SPON1: variants seen among roughly 807,000 people sequenced by gnomAD.
SPON1 encodes spondin 1.
SPON1 carries 52 observed loss-of-function variants against 111.7 expected under a neutral mutation model. The ratio of observed to expected loss-of-function variants is 0.47; its 90% CI spans 0.37 to 0.59. The LOEUF is 0.59. SPON1 is among the 20% of genes least tolerant of loss of function. SPON1 has a pLI of 0.00. For missense variants in SPON1, 957 were observed against 1,068.5 expected, an observed-to-expected ratio of 0.90 and a Z score of 1.46; for synonymous variants, 410 against 395.8, an observed-to-expected ratio of 1.04 and a Z score of -0.43.
In SPON1 at chr11:13,979,378, A is replaced by G. The variant is rs191876920; in HGVS notation, c.239-3469A>G. Among the ~76,000 whole-genome samples the G allele has an allele frequency of 2.6e-5, 4 of 152,314 alleles. No individual in the cohort carries two copies. In the East Asian group the frequency reaches 7.7e-4, roughly 29 times the overall value. The stretch of plus-strand genomic sequence containing the variant: ...CTGCATCTGCAAAGACCCTATTTCC[A>G]AATGAGTTCACATTCCCAAGTATGG... On this transcript the variant is annotated intron_variant, in intron 1 of 15. Coordinates refer to ENST00000576479, the MANE Select transcript of SPON1 (RefSeq NM_006108.4).
intron 4 of SPON1, among the ~76,000 whole-genome samples, chr11:14,078,341 G>A (rs1472151115): frequency 6.6e-6 from 1 of 152,192 alleles, no homozygotes; most frequent in East Asian, 1.9e-4. Context: ...CTACCAGTTG[G>A]CCTTCTTTTG....
chr11:14,077,443 GT>G (rs1848926677), intron 4 of SPON1, among the ~76,000 whole-genome samples: 1 of 150,200 alleles, frequency 6.7e-6, no homozygotes, highest in Admixed American at 6.6e-5. Context: ...TTTTTTTTTA[GT>G]TTTTTTGAGA....
At chr11:14,025,784 G>A (rs1277213476) in intron 2 of SPON1, among the ~76,000 whole-genome samples, 1 of 152,176 alleles carries the variant, frequency 6.6e-6, no homozygotes, top group African/African-American at 2.4e-5. Flanking sequence ...GGAACAAGAA[G>A]TGGGAGCAGT....
At chr11:14,257,410 A>G (rs975473432) in intron 10 of SPON1, among the ~76,000 whole-genome samples, 3 of 152,342 alleles carry the variant, frequency 2.0e-5, no homozygotes, top group East Asian at 1.9e-4. Context: ...ATTACCTACA[A>G]TGAGCCTGCA....
chr11:14,145,450 T>C (rs1847705959), intron 6 of SPON1, among the ~76,000 whole-genome samples: 1 of 152,208 alleles, frequency 6.6e-6, no homozygotes, highest in Admixed American at 6.5e-5. Flanking sequence ...ATATTGCAAA[T>C]AGAAGGCAAA....
At chr11:14,170,304 A>G (rs1454784271) in intron 6 of SPON1, among the ~76,000 whole-genome samples, 5 of 152,136 alleles carry the variant, frequency 3.3e-5, no homozygotes, top group East Asian at 1.9e-4. Flanking sequence ...TTTGTCTGTT[A>G]ATGGTGTATA....
intron 2 of SPON1, among the ~76,000 whole-genome samples, chr11:13,994,535 A>G (rs1451447059): frequency 6.6e-6 from 1 of 152,188 alleles, no homozygotes; most frequent in African/African-American, 2.4e-5. Flanking sequence ...AAACAGACAT[A>G]TGAGATCAGG....
At chr11:13,989,137 T>C (rs1554910801) in intron 2 of SPON1, among the ~76,000 whole-genome samples, 1 of 152,222 alleles carries the variant, frequency 6.6e-6, no homozygotes, top group Non-Finnish European at 1.5e-5. Context: ...CAGCTCCTCT[T>C]TGTACCTCTG....
chr11:14,181,155 C>G (rs142853483), intron 6 of SPON1, among the ~76,000 whole-genome samples: 2 of 152,236 alleles, frequency 1.3e-5, no homozygotes, highest in African/African-American at 4.8e-5. Context: ...TGATTTCAGT[C>G]AAATCTAATA....
At chr11:14,196,212 TCTC>T (rs1848399565) in intron 6 of SPON1, among the ~76,000 whole-genome samples, 1 of 152,128 alleles carries the variant, frequency 6.6e-6, no homozygotes, top group African/African-American at 2.4e-5. Flanking sequence ...ATAGCTCCCT[TCTC>T]CTGGCCTTAG....
chr11:14,158,223 C>T (rs1028983950), intron 6 of SPON1, among the ~76,000 whole-genome samples: 1 of 152,122 alleles, frequency 6.6e-6, no homozygotes, highest in Non-Finnish European at 1.5e-5. Context: ...ATGGTTCACT[C>T]TTATTCCATG....
chr11:14,101,725 GA>G (rs1554924397), intron 5 of SPON1, among the ~76,000 whole-genome samples: 1 of 152,090 alleles, frequency 6.6e-6, no homozygotes, highest in African/African-American at 2.4e-5. Flanking sequence ...TTAAAGAGAA[GA>G]AAAAGCAAGT....
intron 6 of SPON1, among the ~76,000 whole-genome samples, chr11:14,241,134 A>G (rs1216664891): frequency 6.6e-6 from 1 of 152,168 alleles, no homozygotes; most frequent in Non-Finnish European, 1.5e-5. Context: ...GATACACACC[A>G]TGCTGTAATA....
At chr11:14,010,218 T>C (rs1246552444) in intron 2 of SPON1, among the ~76,000 whole-genome samples, 1 of 152,036 alleles carries the variant, frequency 6.6e-6, no homozygotes. Context: ...ACACTCTTGT[T>C]TGGGAATCTG....
At chr11:14,130,998 A>G (rs190340356) in intron 5 of SPON1, among the ~76,000 whole-genome samples, 24 of 152,342 alleles carry the variant, frequency 1.6e-4, no homozygotes, top group African/African-American at 5.8e-4. Context: ...GAGCCAAACC[A>G]TATCAGCTTA....
chr11:14,011,367 A>C (rs1848403118), intron 2 of SPON1, among the ~76,000 whole-genome samples: 1 of 151,196 alleles, frequency 6.6e-6, no homozygotes, highest in Non-Finnish European at 1.5e-5. Context: ...TATTCTTAGA[A>C]TCTAAGGAAA....
chr11:14,077,966 G>A (rs528983599), intron 4 of SPON1, among the ~76,000 whole-genome samples: 12 of 152,174 alleles, frequency 7.9e-5, no homozygotes, highest in Non-Finnish European at 1.8e-4. Context: ...AAGGAAGTCA[G>A]TGGATTTCAA....
intron 1 of SPON1, among the ~76,000 whole-genome samples, chr11:13,971,243 A>G (rs1175733613): frequency 6.6e-6 from 1 of 152,176 alleles, no homozygotes; most frequent in African/African-American, 2.4e-5. Flanking sequence ...CTGGGAGGGA[A>G]GAGAGAGCAG....
chr11:14,033,449 A>T (rs1848573071), intron 2 of SPON1, among the ~76,000 whole-genome samples: 1 of 152,116 alleles, frequency 6.6e-6, no homozygotes, highest in South Asian at 2.1e-4. Context: ...AAGTGTGAGG[A>T]GGTGACGTAT....
Sources: allele counts gnomAD v4.1 joint callset (sites outside exome capture counted in the v4.1 genomes callset), GRCh38; gene constraint gnomAD v4.1.1; transcripts MANE v1.5; gene names NCBI Gene and HGNC (gene_info 2026-07-23, HGNC 2026-07-21).